RBFOX1: variants seen among roughly 807,000 people sequenced by gnomAD.
RBFOX1 encodes the protein RNA binding protein fox-1 homolog 1.
A neutral mutation model predicts 57.7 loss-of-function variants in RBFOX1; 8 were observed. The ratio of observed to expected loss-of-function variants is 0.14; its 90% CI spans 0.08 to 0.25. The LOEUF (loss-of-function observed/expected upper bound fraction) is 0.25, where lower values mean the gene tolerates loss of function less well. RBFOX1 is among the 10% of genes least tolerant of loss of function. RBFOX1 has a pLI of 1.00. For synonymous variants in RBFOX1, 326 were observed against 222.4 expected, an observed-to-expected ratio of 1.47 and a Z score of -4.15; for missense variants, 611 against 548.5, an observed-to-expected ratio of 1.11 and a Z score of -1.14.
chr16:6,303,567 C>A (rs987671051), intron 1 of RBFOX1, among the ~76,000 whole-genome samples: 3 of 152,068 alleles, frequency 2.0e-5, no homozygotes, highest in African/African-American at 7.2e-5. Flanking sequence ...TATTTTGTCT[C>A]TTTCTTTTCC....
intron 1 of RBFOX1, among the ~76,000 whole-genome samples, chr16:6,280,284 G>A (rs562282832): frequency 5.9e-5 from 9 of 152,200 alleles, no homozygotes; most frequent in South Asian, 4.2e-4. Flanking sequence ...GCCTCCCTCC[G>A]TCCTCGCTTC....
intron 4 of RBFOX1, among the ~76,000 whole-genome samples, chr16:7,091,509 C>A (rs1350150141): frequency 6.6e-6 from 1 of 151,380 alleles, no homozygotes; most frequent in African/African-American, 2.4e-5. Context: ...CTCCTTTTAC[C>A]AATGTAGTTC....
intron 1 of RBFOX1, among the ~76,000 whole-genome samples, chr16:5,323,140 G>A (rs1165997399): frequency 6.6e-6 from 1 of 152,210 alleles, no homozygotes; most frequent in East Asian, 1.9e-4. Context: ...AAAATGCTTA[G>A]CACAGTCTGG....
intron 2 of RBFOX1, among the ~76,000 whole-genome samples, chr16:6,495,743 A>C (rs986165581): frequency 1.3e-5 from 2 of 152,100 alleles, no homozygotes; most frequent in Non-Finnish European, 1.5e-5. Flanking sequence ...AACAGCTCTC[A>C]ATAGCAGTAT....
At chr16:6,052,567 G>A (rs2095563799) in intron 1 of RBFOX1, among the ~76,000 whole-genome samples, 1 of 151,650 alleles carries the variant, frequency 6.6e-6, no homozygotes, top group Non-Finnish European at 1.5e-5. Flanking sequence ...GGCGGATCAC[G>A]AGGTCAGGAG....
chr16:6,593,536 C>G (rs140071909), intron 2 of RBFOX1, among the ~76,000 whole-genome samples: 1 of 152,070 alleles, frequency 6.6e-6, no homozygotes, highest in South Asian at 2.1e-4. Flanking sequence ...CATCTAGAAT[C>G]GAGGATTGTG....
intron 4 of RBFOX1, among the ~76,000 whole-genome samples, chr16:7,188,641 C>T (rs922113632): frequency 1.3e-5 from 2 of 152,096 alleles, no homozygotes; most frequent in Non-Finnish European, 2.9e-5. Context: ...CTCATTATAC[C>T]AGTCCAGTAT....
At chr16:6,914,693 G>A (rs767344844) in intron 3 of RBFOX1, among the ~76,000 whole-genome samples, 1 of 152,178 alleles carries the variant, frequency 6.6e-6, no homozygotes, top group Non-Finnish European at 1.5e-5. Context: ...GGCCAACATA[G>A]CAAGATCCCA....
intron 4 of RBFOX1, among the ~76,000 whole-genome samples, chr16:5,930,228 TG>T (rs2059020912): frequency 1.7e-5 from 2 of 120,856 alleles, no homozygotes; most frequent in African/African-American, 6.5e-5. Context: ...GATGGATGGA[TG>T]GATGGATGGA....
chr16:6,802,810 A>G (rs1183372002), intron 3 of RBFOX1, among the ~76,000 whole-genome samples: 1 of 152,196 alleles, frequency 6.6e-6, no homozygotes, highest in Non-Finnish European at 1.5e-5. Flanking sequence ...GACCCAAAAT[A>G]TTTTTCGGAG....
At chr16:5,474,875 G>T (rs1364435673) in intron 2 of RBFOX1, among the ~76,000 whole-genome samples, 1 of 152,182 alleles carries the variant, frequency 6.6e-6, no homozygotes, top group Non-Finnish European at 1.5e-5. Flanking sequence ...GACTCACAAA[G>T]GCTATTTATT....
At chr16:7,051,313 C>A (rs909729533) in intron 3 of RBFOX1, among the ~76,000 whole-genome samples, 9 of 152,208 alleles carry the variant, frequency 5.9e-5, no homozygotes, top group Non-Finnish European at 1.3e-4. Flanking sequence ...CGACTCCACC[C>A]ATCCCCTTAA....
At chr16:7,062,143 C>G (rs750306677) in intron 4 of RBFOX1, among the ~76,000 whole-genome samples, 1 of 151,438 alleles carries the variant, frequency 6.6e-6, no homozygotes, top group African/African-American at 2.4e-5. Context: ...CGGTGAAACC[C>G]CATCTCTACT....
At chr16:6,683,913 G>A (rs1176963584) in intron 3 of RBFOX1, among the ~76,000 whole-genome samples, 1 of 152,176 alleles carries the variant, frequency 6.6e-6, no homozygotes, top group African/African-American at 2.4e-5. Flanking sequence ...GAGGGAGATC[G>A]CATATGTGAA....
chr16:7,200,220 G>A (rs1602782610), intron 4 of RBFOX1, among the ~76,000 whole-genome samples: 3 of 152,192 alleles, frequency 2.0e-5, no homozygotes, highest in Non-Finnish European at 4.4e-5. Context: ...AAACTCGACT[G>A]TCCTTGTAGA....
chr16:6,551,498 A>T (rs887712376), intron 2 of RBFOX1, among the ~76,000 whole-genome samples: 11 of 152,198 alleles, frequency 7.2e-5, no homozygotes, highest in African/African-American at 2.7e-4. Flanking sequence ...GACAGCTATT[A>T]CTTGTAGCTA....
chr16:6,784,406 G>A (rs2081563041), intron 3 of RBFOX1, among the ~76,000 whole-genome samples: 1 of 151,998 alleles, frequency 6.6e-6, no homozygotes. Context: ...GAGACACTCT[G>A]ATGCATTTTT....
intron 4 of RBFOX1, among the ~76,000 whole-genome samples, chr16:5,976,037 A>G (rs2060055367): frequency 6.6e-6 from 1 of 152,204 alleles, no homozygotes; most frequent in Non-Finnish European, 1.5e-5. Context: ...CTAGCCACTC[A>G]GGAGGCTGAG....
intron 4 of RBFOX1, among the ~76,000 whole-genome samples, chr16:7,196,704 G>T (rs150414540): frequency 1.2e-3 from 180 of 152,308 alleles, no homozygotes; most frequent in Non-Finnish European, 1.9e-3. Context: ...TCTGTGTACA[G>T]AGGGTCAGGA....
Sources: gnomAD v4.1 joint callset for allele counts (sites outside exome capture counted in the v4.1 genomes callset) on GRCh38, gnomAD v4.1.1 for gene constraint, MANE v1.5 for transcripts, NCBI Gene and HGNC (gene_info 2026-07-23, HGNC 2026-07-21) for gene names.